AATF: variants seen among roughly 807,000 people sequenced by gnomAD.
AATF encodes protein AATF.
A neutral mutation model predicts 63.7 loss-of-function variants in AATF; 48 were observed. The observed-to-expected ratio is 0.75, with a 90% CI of 0.60 to 0.96. The LOEUF is 0.96. Ranked by LOEUF, AATF falls within the 40% of genes least tolerant of loss-of-function variation. The pLI, the probability that AATF is intolerant of heterozygous loss-of-function variation, is 0.00. For missense variants in AATF, 639 were observed against 685.7 expected, an observed-to-expected ratio of 0.93 and a Z score of 0.76; for synonymous variants, 258 against 247.7, an observed-to-expected ratio of 1.04 and a Z score of -0.39.
chr17:36,981,916 A>G (rs766840540), intron 4 of AATF, among the ~76,000 whole-genome samples: 11 of 151,882 alleles, frequency 7.2e-5, no homozygotes, highest in Non-Finnish European at 1.6e-4. Context: ...TAGTAGTGTT[A>G]AATATATTCA....
chr17:36,952,774 G>A (rs1306275758), intron 2 of AATF, 112 bp from the exon 3 acceptor site: 1 of 1,474,872 alleles, frequency 6.8e-7, no homozygotes, highest in East Asian at 2.3e-5. Flanking sequence ...ATTGAGTGCA[G>A]TAAGAGATTT....
At chr17:36,986,966 G>A (rs996323984) in intron 5 of AATF, among the ~76,000 whole-genome samples, 8 of 152,140 alleles carry the variant, frequency 5.3e-5, no homozygotes, top group Non-Finnish European at 1.5e-5. Flanking sequence ...CTTCTCTTTA[G>A]ATCTATTGGA....
At chr17:37,028,020 A>G (rs9902884) in intron 10 of AATF, among the ~76,000 whole-genome samples, 10,544 of 152,250 alleles carry the variant, frequency 0.069, 1,124 homozygotes, top group African/African-American at 0.23. Context: ...GGTTATATAA[A>G]TATTTATGCT....
chr17:36,958,347 A>T (rs2070919016), intron 4 of AATF, among the ~76,000 whole-genome samples: 1 of 151,874 alleles, frequency 6.6e-6, no homozygotes, highest in Non-Finnish European at 1.5e-5. Flanking sequence ...AATTTTTTTT[A>T]GTAGAGATGG....
intron 8 of AATF, among the ~76,000 whole-genome samples, chr17:37,015,942 A>T (rs1363430771): frequency 6.6e-6 from 1 of 152,040 alleles, no homozygotes; most frequent in African/African-American, 2.4e-5. Context: ...TCACGAGAGG[A>T]GGTGGGTGGT....
rs1191903219 is a variant in AATF at position 36,950,480 on chromosome 17, A to G, written c.283+75A>G. On this transcript the variant is annotated intron_variant, in intron 2 of 11. Transcript: ENST00000619387. ...GGTTAAAATCCTCCGGTCATCCCCC[A>G]TGATCTTTGCAAGAGTAGTCTGCGG... The G allele has an allele frequency of 5.7e-6, 8 of 1,413,784 alleles. No individual in the cohort carries two copies. In the South Asian group the frequency reaches 6.4e-5, roughly 11 times the overall value. The allele number at this position is 1,413,784 out of a possible 1,614,324, so 87.6% of individuals were successfully genotyped here.
intron 11 of AATF, among the ~76,000 whole-genome samples, chr17:37,046,793 G>A (rs544996971): frequency 4.0e-5 from 6 of 151,430 alleles, no homozygotes; most frequent in Non-Finnish European, 8.8e-5. Context: ...GCCCTGGGTT[G>A]TTGGGCAGCA....
chr17:37,029,934 C>T (rs1290276518), intron 10 of AATF, among the ~76,000 whole-genome samples: 1 of 152,122 alleles, frequency 6.6e-6, no homozygotes, highest in Non-Finnish European at 1.5e-5. Flanking sequence ...AACTCCTGGG[C>T]TCAGGTGATC....
At chr17:36,988,992 G>A (rs192508998) in intron 6 of AATF, among the ~76,000 whole-genome samples, 6 of 152,154 alleles carry the variant, frequency 3.9e-5, no homozygotes, top group Admixed American at 1.3e-4. Flanking sequence ...TTAAAGGAGT[G>A]GATTTCAAAG....
chr17:36,997,946 CTA>C (rs549811496), intron 8 of AATF, among the ~76,000 whole-genome samples: 128 of 152,264 alleles, frequency 8.4e-4, no homozygotes, highest in Non-Finnish European at 1.6e-3. Context: ...AGATTGGAGA[CTA>C]TTACTCTAAG....
rs554480465 is a variant in AATF at position 36,969,118 on chromosome 17, A to G, written c.832+15211A>G. 7.2e-5 allele frequency among the ~76,000 whole-genome samples: 11 copies of G among 152,262 alleles called. No homozygotes were observed. The South Asian group carries it at 1.9e-3, about 26-fold the overall frequency. On this transcript the variant is annotated intron_variant, in intron 4 of 11. Coordinates refer to ENST00000619387, the MANE Select transcript of AATF (RefSeq NM_012138.4). ...CCAAAAAGTTGATTGGGAACTTTGTATGTTGGATGGGGCTTTTTGTCTATG... is the reference window on the plus strand; with the variant it reads ...CCAAAAAGTTGATTGGGAACTTTGTGTGTTGGATGGGGCTTTTTGTCTATG...
At chr17:37,006,093 T>A (rs2071339156) in intron 8 of AATF, among the ~76,000 whole-genome samples, 1 of 152,000 alleles carries the variant, frequency 6.6e-6, no homozygotes, top group Admixed American at 6.6e-5. Flanking sequence ...ACTATGATTG[T>A]GCCGCTATAC....
At chr17:36,970,332 G>A (rs534877585) in intron 4 of AATF, among the ~76,000 whole-genome samples, 26 of 152,274 alleles carry the variant, frequency 1.7e-4, no homozygotes, top group African/African-American at 5.5e-4. Context: ...TTACAGAACT[G>A]AGTTGCTATC....
intron 11 of AATF, among the ~76,000 whole-genome samples, chr17:37,041,141 G>A (rs1334044348): frequency 2.0e-5 from 3 of 152,042 alleles, no homozygotes; most frequent in Non-Finnish European, 4.4e-5. Flanking sequence ...AGAATTTTTT[G>A]TGTATGTATT....
chr17:36,996,825 C>A (rs558166095), intron 8 of AATF, among the ~76,000 whole-genome samples: 1 of 152,292 alleles, frequency 6.6e-6, no homozygotes, highest in South Asian at 2.1e-4. Context: ...AGGTAAGGTG[C>A]ACATGACTGG....
At chr17:37,022,931 C>G (rs537830111) in intron 10 of AATF, among the ~76,000 whole-genome samples, 1 of 152,252 alleles carries the variant, frequency 6.6e-6, no homozygotes, top group Admixed American at 6.5e-5. Flanking sequence ...CTGTCTCCCC[C>G]CAGCCCCCTT....
Position 36,949,157 on chromosome 17 carries a change from T to C in AATF, c.32T>C (p.Leu11Pro). Residue 11 changes from leucine to proline, a missense_variant, in exon 1 of 12, where the codon CTG becomes CCG. Transcript: ENST00000619387. MAGPQPLALQ[L>P]EQLLNPRPSE... is the part of the protein sequence containing the mutation. ...GGGCCGCAGCCCCTGGCGCTGCAAC[T>C]GGAACAGTTGTTGAACCCGCGACCA... 1 of 1,590,110 alleles carries C rather than the reference T, an allele frequency of 6.3e-7. No homozygotes were observed. Among genetic ancestry groups the C allele is most frequent in the East Asian group, 2.3e-5 (1 of 44,012 alleles).
At chr17:36,981,727 A>T (rs1277086686) in intron 4 of AATF, among the ~76,000 whole-genome samples, 1 of 102,248 alleles carries the variant, frequency 9.8e-6, no homozygotes, top group Admixed American at 1.3e-4. Flanking sequence ...TTTGACAGTC[A>T]GTGTCTCACT....
intron 4 of AATF, among the ~76,000 whole-genome samples, chr17:36,969,755 G>A (rs2071024509): frequency 6.6e-6 from 1 of 152,164 alleles, no homozygotes; most frequent in Non-Finnish European, 1.5e-5. Flanking sequence ...TCAAGATAAT[G>A]AACATATTCC....
Sources: allele counts gnomAD v4.1 joint callset (sites outside exome capture counted in the v4.1 genomes callset), GRCh38; gene constraint gnomAD v4.1.1; transcripts MANE v1.5; gene names NCBI Gene and HGNC (gene_info 2026-07-23, HGNC 2026-07-21).